The following RGS7 variants were observed in gnomAD, a reference collection of about 807,000 sequenced individuals.
RGS7 encodes regulator of G protein signaling 7, also known as regulator of G-protein signaling 7.
In RGS7, 27 loss-of-function variants were observed where a neutral mutation model predicts 81.1. That is an observed-to-expected ratio of 0.33 (90% confidence interval 0.25 to 0.46). The LOEUF (loss-of-function observed/expected upper bound fraction) is 0.46. Among genes scored for constraint, RGS7 ranks in the 20% least tolerant of loss-of-function variants. The probability of loss-of-function intolerance (pLI) is 1.00; values close to 1 mark genes in which losing one functional copy is unlikely to be tolerated. For missense variants in RGS7, 396 were observed against 607.4 expected, an observed-to-expected ratio of 0.65 and a Z score of 3.66; for synonymous variants, 208 against 207.7, an observed-to-expected ratio of 1.00 and a Z score of -0.01.
chr1:241,084,213 A>G (rs1332762395), intron 3 of RGS7, among the ~76,000 whole-genome samples: 1 of 152,154 alleles, frequency 6.6e-6, no homozygotes, highest in Non-Finnish European at 1.5e-5. Context: ...ACTGAGACAT[A>G]TTCATCCAAC....
In RGS7 at chr1:240,827,864, CAAA is replaced by C. The variant is rs57562408; in HGVS notation, c.610-695_610-693del. 2.2e-3 allele frequency among the ~76,000 whole-genome samples: 115 copies of C among 52,846 alleles called. 1 individual carries two copies. The highest frequency in any genetic ancestry group is 5.2e-3 in the African/African-American group (100 of 19,070). 34.7% of individuals were successfully genotyped at this position (52,846 alleles called of 152,430 possible). A position where few individuals can be genotyped will look rare whatever the true frequency, so the allele number is the denominator to read the frequency against. On this transcript the variant is annotated intron_variant, in intron 9 of 18. Transcript: ENST00000440928. Reference sequence around the variant, plus strand: ...GGGCAACAAGAGCAAAACTCCATTGCAAAAAAAAAAAAAAAAAAAAAAAACAGG... The same window carrying C: ...GGGCAACAAGAGCAAAACTCCATTGCAAAAAAAAAAAAAAAAAAAAACAGG...
At chr1:240,935,112 T>C (rs1676402190) in intron 5 of RGS7, among the ~76,000 whole-genome samples, 1 of 151,808 alleles carries the variant, frequency 6.6e-6, no homozygotes, top group South Asian at 2.1e-4. Flanking sequence ...TTGGCCAGGC[T>C]GGTCTCAAAC....
chr1:241,166,427 C>T (rs546898033), intron 2 of RGS7, among the ~76,000 whole-genome samples: 17 of 151,866 alleles, frequency 1.1e-4, no homozygotes, highest in African/African-American at 3.9e-4. Flanking sequence ...TGGCAGGAAG[C>T]GAAAGGATGA....
intron 3 of RGS7, chr1:240,998,629 A>G: frequency 1.1e-6 from 1 of 928,096 alleles, no homozygotes; most frequent in Non-Finnish European, 1.8e-6. Context: ...GAGGCTCCCC[A>G]TGTTGACTTT....
intron 2 of RGS7, among the ~76,000 whole-genome samples, chr1:241,113,808 T>G (rs1450156973): frequency 6.6e-6 from 1 of 152,210 alleles, no homozygotes; most frequent in Non-Finnish European, 1.5e-5. Flanking sequence ...TCCTTCTTTC[T>G]GTGCAAACTC....
rs1379663508 is a variant in RGS7 at position 241,094,704 on chromosome 1, T to C, written c.175+3962A>G. On this transcript the variant is annotated intron_variant, in intron 3 of 18. Transcript: ENST00000440928. ...AAAAACAAAAACAAAACACAAACCC[T>C]ATTATTAGGTAGATTATATTTGTCA... is the stretch of plus-strand genomic sequence containing the variant. Among the ~76,000 whole-genome samples, 6 of 152,292 alleles carry C rather than the reference T, an allele frequency of 3.9e-5. No individual in the cohort carries two copies. In the East Asian group the frequency reaches 1.2e-3, roughly 29 times the overall value.
At chr1:241,302,428 A>G (rs1282318650) in intron 2 of RGS7, among the ~76,000 whole-genome samples, 1 of 152,144 alleles carries the variant, frequency 6.6e-6, no homozygotes, top group Non-Finnish European at 1.5e-5. Flanking sequence ...AGGCGCCTGT[A>G]GTCCCAGCTA....
intron 10 of RGS7, among the ~76,000 whole-genome samples, chr1:240,826,582 G>A (rs1016205640): frequency 7.2e-5 from 11 of 152,138 alleles, no homozygotes; most frequent in East Asian, 1.9e-4. Context: ...CTAGTTGTAC[G>A]TGTTGCTTTA....
At chr1:241,100,433 A>C (rs1211482282) in intron 2 of RGS7, among the ~76,000 whole-genome samples, 2 of 152,044 alleles carry the variant, frequency 1.3e-5, no homozygotes, top group South Asian at 2.1e-4. Context: ...GTTTTCAGCT[A>C]AGAAATCTAA....
intron 2 of RGS7, among the ~76,000 whole-genome samples, chr1:241,249,693 C>T (rs1468859012): frequency 2.6e-5 from 4 of 152,092 alleles, no homozygotes; most frequent in Non-Finnish European, 5.9e-5. Context: ...CTCTTCTGAA[C>T]ATATGCATTC....
chr1:241,309,846 C>T (rs1313790019), intron 2 of RGS7, among the ~76,000 whole-genome samples: 2 of 152,200 alleles, frequency 1.3e-5, no homozygotes, highest in Non-Finnish European at 2.9e-5. Flanking sequence ...TTAACACACG[C>T]GTTGAAGTAG....
At chr1:241,012,544 C>G (rs991239144) in intron 3 of RGS7, among the ~76,000 whole-genome samples, 1 of 152,160 alleles carries the variant, frequency 6.6e-6, no homozygotes, top group African/African-American at 2.4e-5. Context: ...GACCCTTCAT[C>G]AGTCAATAAA....
At chr1:241,315,369 T>TA (rs968180655) in intron 2 of RGS7, among the ~76,000 whole-genome samples, 3 of 152,060 alleles carry the variant, frequency 2.0e-5, no homozygotes, top group African/African-American at 7.2e-5. Flanking sequence ...TGATATCTGA[T>TA]AATAGCTAAT....
At chr1:241,318,965 G>A (rs941901088) in intron 2 of RGS7, among the ~76,000 whole-genome samples, 8 of 152,054 alleles carry the variant, frequency 5.3e-5, no homozygotes, top group African/African-American at 1.2e-4. Flanking sequence ...ATGATCAAAC[G>A]AAGGATACTG....
At chr1:241,313,649 T>A (rs938719370) in intron 2 of RGS7, among the ~76,000 whole-genome samples, 2 of 152,224 alleles carry the variant, frequency 1.3e-5, no homozygotes, top group African/African-American at 4.8e-5. Context: ...AAAAACAAAA[T>A]ACATTTTGTA....
At chr1:240,935,214 C>T (rs1676423020) in intron 5 of RGS7, among the ~76,000 whole-genome samples, 1 of 151,982 alleles carries the variant, frequency 6.6e-6, no homozygotes, top group Non-Finnish European at 1.5e-5. Flanking sequence ...CCCTTTTAGA[C>T]CCATGAGCAT....
intron 18 of RGS7, among the ~76,000 whole-genome samples, chr1:240,795,294 TA>T (rs922989874): frequency 2.6e-5 from 4 of 151,918 alleles, no homozygotes; most frequent in Non-Finnish European, 4.4e-5. Flanking sequence ...AACAGTGTCT[TA>T]AAAAAAACAA....
At chr1:240,961,727 G>C (rs1454393295) in intron 4 of RGS7, among the ~76,000 whole-genome samples, 4 of 152,128 alleles carry the variant, frequency 2.6e-5, no homozygotes, top group Non-Finnish European at 1.5e-5. Flanking sequence ...AGTTTATAGG[G>C]GGAAGAACAG....
intron 3 of RGS7, among the ~76,000 whole-genome samples, chr1:241,060,702 T>TA (rs2061696478): frequency 6.6e-6 from 1 of 152,214 alleles, no homozygotes. Flanking sequence ...ACAGGGCCTA[T>TA]ATTCTGTGTC....
Sources: gnomAD v4.1 joint callset for allele counts (sites outside exome capture counted in the v4.1 genomes callset) on GRCh38, gnomAD v4.1.1 for gene constraint, MANE v1.5 for transcripts, NCBI Gene and HGNC (gene_info 2026-07-23, HGNC 2026-07-21) for gene names.